Variants in HEPH observed in about 807,000 individuals in gnomAD.
The protein encoded by HEPH is hephaestin.
In HEPH, 69 loss-of-function variants were observed where a neutral mutation model predicts 80.8. The ratio of observed to expected loss-of-function variants is 0.85; its 90% CI spans 0.70 to 1.04. The LOEUF (loss-of-function observed/expected upper bound fraction) is 1.04, where lower values mean the gene tolerates loss of function less well. Among genes scored for constraint, HEPH ranks in the 50% least tolerant of loss-of-function variants. The probability of loss-of-function intolerance (pLI) is 0.00; values close to 1 mark genes in which losing one functional copy is unlikely to be tolerated. For synonymous variants in HEPH, 431 were observed against 322.8 expected (o/e 1.34, Z -3.60); for missense variants, 1,115 against 891.3 (o/e 1.25, Z -3.20).
chrX:66,231,110 G>A (rs1209071754), intron 15 of HEPH, among the ~76,000 whole-genome samples: 5 of 109,467 alleles, frequency 4.6e-5, no homozygotes, highest in Non-Finnish European at 7.6e-5. Flanking sequence ...CATTTCTGAG[G>A]GCTCTGTTCT....
At chrX:66,166,743 C>T (rs757482818) in intron 1 of HEPH, among the ~76,000 whole-genome samples, 1 of 112,011 alleles carries the variant, frequency 8.9e-6, no homozygotes, top group South Asian at 3.7e-4. Flanking sequence ...TTGTCTGACT[C>T]AAAAGTTCTA....
intron 20 of HEPH, among the ~76,000 whole-genome samples, chrX:66,266,128 C>CTT (rs113576568): frequency 4.5e-4 from 48 of 106,909 alleles, no homozygotes; most frequent in Non-Finnish European, 5.8e-4. Context: ...TCAAATTCAT[C>CTT]TTTTTTTTTT....
At chrX:66,203,110 T>C (rs1217020208) in intron 12 of HEPH, among the ~76,000 whole-genome samples, 1 of 109,893 alleles carries the variant, frequency 9.1e-6, no homozygotes, top group African/African-American at 3.3e-5. Flanking sequence ...AGAAGTTGGT[T>C]ATTCTAGCGG....
intron 4 of HEPH, among the ~76,000 whole-genome samples, chrX:66,177,672 C>G (rs1203605983): frequency 9.0e-6 from 1 of 111,363 alleles, no homozygotes. Flanking sequence ...AAAGAACCAG[C>G]TTTTTGTTTC....
At chrX:66,263,345 T>C (rs945978825) in intron 19 of HEPH, among the ~76,000 whole-genome samples, 1 of 111,012 alleles carries the variant, frequency 9.0e-6, no homozygotes, top group African/African-American at 3.3e-5. Flanking sequence ...TGGCAAATGG[T>C]TGGAAATAGA....
chrX:66,166,046 C>G (rs1468084222), intron 1 of HEPH, among the ~76,000 whole-genome samples: 1 of 111,162 alleles, frequency 9.0e-6, no homozygotes, highest in African/African-American at 3.3e-5. Context: ...TCATTTAAGA[C>G]ATGAGGAAAC....
upstream of HEPH, chrX:66,162,799 T>C (rs1191269886): frequency 8.7e-7 from 1 of 1,155,125 alleles, no homozygotes; most frequent in Non-Finnish European, 1.1e-6. Flanking sequence ...CCAGACACTT[T>C]AAATTCAGAA....
Position 66,254,281 on chromosome X carries a change from T to G in HEPH, c.2564-754T>G, listed in dbSNP as rs963512785. The stretch of plus-strand genomic sequence containing the variant: ...AGGAGAAGAGGATGGTTCTAAAATA[T>G]AGGGTAGAGGTATAATCAATAAGAC... On this transcript the variant is annotated intron_variant, in intron 15 of 20. Coordinates refer to ENST00000343002, the MANE Select transcript of HEPH (RefSeq NM_001367233.3). Among the ~76,000 whole-genome samples, 3 of 110,909 alleles carry G rather than the reference T, an allele frequency of 2.7e-5. No homozygotes were observed. In the South Asian group the frequency reaches 1.1e-3, roughly 42 times the overall value.
In HEPH at chrX:66,266,459, T is replaced by G; in HGVS notation, c.3264T>G (p.Ile1088Met). ...TTTCAGCAGTGCCCCCCAGAGACATTGAAGAAGGCAATGTGAAGATGCTGG... is the reference window on the plus strand; with the variant it reads ...TTTCAGCAGTGCCCCCCAGAGACATGGAAGAAGGCAATGTGAAGATGCTGG... ...ETEKAVPPRD[I>M]EEGNVKMLGM... Residue 1088 changes from isoleucine to methionine, a missense_variant, in exon 21 of 21, where the codon ATT (isoleucine) becomes ATG (methionine). Physicochemically the swap from Ile to Met is conservative, Grantham distance 10. Coordinates refer to ENST00000343002, the MANE Select transcript of HEPH (RefSeq NM_001367233.3). 2 of 1,209,463 alleles carry G rather than the reference T, an allele frequency of 1.7e-6. No homozygotes were observed. Among genetic ancestry groups the G allele is most frequent in the Non-Finnish European group, 2.2e-6 (2 of 894,335 alleles).
chrX:66,173,021 T>C (rs2086655420), intron 3 of HEPH, among the ~76,000 whole-genome samples: 1 of 112,596 alleles, frequency 8.9e-6, no homozygotes, highest in African/African-American at 3.2e-5. Context: ...TATTTATCTC[T>C]ATCTCCCTTA....
intron 15 of HEPH, among the ~76,000 whole-genome samples, chrX:66,234,763 G>T (rs1383221051): frequency 9.1e-6 from 1 of 110,487 alleles, no homozygotes; most frequent in African/African-American, 3.3e-5. Context: ...CAGCCTTGCG[G>T]GTAGCTGGGA....
At chrX:66,162,725 T>C (rs754479303), upstream of HEPH, 8 of 1,155,594 alleles carry the variant, frequency 6.9e-6, no homozygotes, top group Non-Finnish European at 9.2e-6. Context: ...TCTCTAGTGG[T>C]TTATGACCCA....
At chrX:66,229,328 A>G (rs2090024442) in intron 15 of HEPH, among the ~76,000 whole-genome samples, 1 of 112,465 alleles carries the variant, frequency 8.9e-6, no homozygotes, top group Admixed American at 9.4e-5. Context: ...GGAAACTGTT[A>G]TTCTAAGTGA....
chrX:66,176,966 TG>T (rs2147555339), intron 4 of HEPH, among the ~76,000 whole-genome samples: 1 of 111,075 alleles, frequency 9.0e-6, no homozygotes, highest in South Asian at 3.8e-4. Flanking sequence ...AATTGACAAA[TG>T]GGATCTAATT....
chrX:66,216,457 C>T (rs2089401363), intron 15 of HEPH, among the ~76,000 whole-genome samples: 1 of 111,899 alleles, frequency 8.9e-6, no homozygotes. Flanking sequence ...CCCAGTAGCT[C>T]TGCTGGGTGG....
At chrX:66,229,858 C>T (rs2090048586) in intron 15 of HEPH, among the ~76,000 whole-genome samples, 2 of 108,987 alleles carry the variant, frequency 1.8e-5, no homozygotes, top group African/African-American at 6.7e-5. Flanking sequence ...ATGTGCCATG[C>T]TGGTGCGCTG....
At position 66,266,436 on chromosome X, in the gene HEPH, T is replaced by G. The variant is rs762669998; in HGVS notation, c.3245-4T>G. ...GATGCCCATTTTTTTTTTCTCCATT[T>G]CAGCAGTGCCCCCCAGAGACATTGA... is the stretch of plus-strand genomic sequence containing the variant. On this transcript the variant is annotated splice_polypyrimidine_tract_variant and splice_region_variant and intron_variant, in intron 20 of 20. Coordinates refer to ENST00000343002, the MANE Select transcript of HEPH (RefSeq NM_001367233.3). 3 of 1,203,072 alleles carry G rather than the reference T, an allele frequency of 2.5e-6. No individual in the cohort carries two copies. Among genetic ancestry groups the G allele is most frequent in the Middle Eastern group, 4.6e-4 (2 of 4,325 alleles).
chrX:66,213,524 C>A (rs2147883357), intron 15 of HEPH, among the ~76,000 whole-genome samples: 1 of 111,733 alleles, frequency 8.9e-6, no homozygotes, highest in South Asian at 3.7e-4. Flanking sequence ...TCTTTCACCT[C>A]TTTGGTTAAA....
chrX:66,201,102 G>T (rs1427703521), intron 12 of HEPH, among the ~76,000 whole-genome samples: 1 of 110,907 alleles, frequency 9.0e-6, no homozygotes, highest in African/African-American at 3.3e-5. Context: ...TGGGAGGAAG[G>T]TCAATAAAAT....
Sources: gnomAD v4.1 joint callset for allele counts (sites outside exome capture counted in the v4.1 genomes callset) on GRCh38, gnomAD v4.1.1 for gene constraint, MANE v1.5 for transcripts, NCBI Gene and HGNC (gene_info 2026-07-23, HGNC 2026-07-21) for gene names.